The following PLPPR1 variants were observed in gnomAD, a reference collection of about 807,000 sequenced individuals.
PLPPR1 encodes phospholipid phosphatase related 1, also known as phospholipid phosphatase-related protein type 1.
A neutral mutation model predicts 33.1 loss-of-function variants in PLPPR1; 10 were observed. That is an observed-to-expected ratio of 0.30 (90% confidence interval 0.19 to 0.51). PLPPR1 has a LOEUF of 0.51. Ranked by LOEUF, PLPPR1 falls within the 20% of genes least tolerant of loss-of-function variation. The probability of loss-of-function intolerance (pLI) is 0.97; values close to 1 mark genes in which losing one functional copy is unlikely to be tolerated. For missense variants in PLPPR1, 304 were observed against 408.1 expected (o/e 0.74, Z 2.20); for synonymous variants, 151 against 151.0 (o/e 1.00, Z 0.00).
intron 1 of PLPPR1, among the ~76,000 whole-genome samples, chr9:101,092,784 C>T (rs1267714437): frequency 1.3e-5 from 2 of 151,956 alleles, no homozygotes; most frequent in East Asian, 1.9e-4. Flanking sequence ...CCCTGATTCT[C>T]GCTGTGATGG....
chr9:101,034,927 G>A (rs1242756271), intron 1 of PLPPR1, among the ~76,000 whole-genome samples: 1 of 152,106 alleles, frequency 6.6e-6, no homozygotes, highest in Non-Finnish European at 1.5e-5. Context: ...GCTGTCATAA[G>A]CCTAGGTAGA....
chr9:101,255,447 G>T (rs1164591652), intron 2 of PLPPR1, among the ~76,000 whole-genome samples: 1 of 152,114 alleles, frequency 6.6e-6, no homozygotes. Flanking sequence ...ATTTACAGGA[G>T]TTTGTTTTAT....
chr9:101,293,086 C>T (rs1357652131), intron 4 of PLPPR1, among the ~76,000 whole-genome samples: 8 of 151,268 alleles, frequency 5.3e-5, no homozygotes, highest in Non-Finnish European at 1.2e-4. Context: ...CACATAGGCT[C>T]AAAATAAAAG....
chr9:101,139,052 T>C (rs1831413433), intron 1 of PLPPR1, among the ~76,000 whole-genome samples: 1 of 152,212 alleles, frequency 6.6e-6, no homozygotes, highest in Non-Finnish European at 1.5e-5. Flanking sequence ...GTATCATTTT[T>C]TTCATGTTGT....
intron 1 of PLPPR1, among the ~76,000 whole-genome samples, chr9:101,143,757 G>C (rs553379232): frequency 6.6e-6 from 1 of 152,074 alleles, no homozygotes; most frequent in Admixed American, 6.6e-5. Flanking sequence ...TTAGAATGGC[G>C]ATCATTAAAA....
chr9:101,277,410 C>T (rs1564024707), intron 3 of PLPPR1, among the ~76,000 whole-genome samples: 1 of 152,132 alleles, frequency 6.6e-6, no homozygotes, highest in Non-Finnish European at 1.5e-5. Context: ...GTCTACTTTG[C>T]TTTCAGGGAA....
chr9:101,111,352 T>C (rs1831053830), intron 1 of PLPPR1, among the ~76,000 whole-genome samples: 1 of 152,182 alleles, frequency 6.6e-6, no homozygotes. Context: ...TTCTATATTA[T>C]TGTAGCCCAA....
At chr9:101,205,763 C>A (rs1474937632) in intron 2 of PLPPR1, among the ~76,000 whole-genome samples, 1 of 152,110 alleles carries the variant, frequency 6.6e-6, no homozygotes, top group Non-Finnish European at 1.5e-5. Context: ...GGCCGTATGC[C>A]AGGCACTGAA....
intron 1 of PLPPR1, among the ~76,000 whole-genome samples, chr9:101,098,363 C>A (rs1181578142): frequency 1.3e-5 from 2 of 152,022 alleles, no homozygotes; most frequent in Admixed American, 1.3e-4. Flanking sequence ...AGGGATGATG[C>A]ATTTGATATC....
intron 1 of PLPPR1, among the ~76,000 whole-genome samples, chr9:101,142,544 G>C (rs1431466): frequency 0.48 from 72,281 of 151,970 alleles, 17,755 homozygotes; most frequent in Non-Finnish European, 0.54. Context: ...TGTGTGGCCA[G>C]AATAGATGCT....
intron 1 of PLPPR1, among the ~76,000 whole-genome samples, chr9:101,149,541 A>G (rs1831558064): frequency 6.6e-6 from 1 of 152,212 alleles, no homozygotes; most frequent in Non-Finnish European, 1.5e-5. Flanking sequence ...TGGCTAGACA[A>G]TGAGAATAGT....
Position 101,038,176 on chromosome 9 carries a change from A to G in PLPPR1, c.-46+9074A>G, listed in dbSNP as rs374122952. 2.6e-5 allele frequency among the ~76,000 whole-genome samples: 4 copies of G among 152,148 alleles called. No homozygotes were observed. The South Asian group carries it at 6.2e-4, about 24-fold the overall frequency. On this transcript the variant is annotated intron_variant, in intron 1 of 7. Transcript: ENST00000374874. The stretch of plus-strand genomic sequence containing the variant: ...AACTTTACATATTATTTTACTATTT[A>G]CTTTTAGCTATAATTTCAAATAGAA...
At chr9:101,264,005 A>G (rs1564020668) in intron 2 of PLPPR1, among the ~76,000 whole-genome samples, 1 of 151,896 alleles carries the variant, frequency 6.6e-6, no homozygotes, top group South Asian at 2.1e-4. Flanking sequence ...ACTTATTTCT[A>G]AGGCTCCCCA....
At chr9:101,177,832 TATTA>T (rs1470045850) in intron 1 of PLPPR1, among the ~76,000 whole-genome samples, 8 of 152,208 alleles carry the variant, frequency 5.3e-5, no homozygotes, top group African/African-American at 1.7e-4. Flanking sequence ...TAATTCCCAA[TATTA>T]ATTTTATTTT....
At chr9:101,260,565 TG>T (rs745878340) in intron 2 of PLPPR1, among the ~76,000 whole-genome samples, 47 of 152,292 alleles carry the variant, frequency 3.1e-4, no homozygotes, top group Non-Finnish European at 5.0e-4. Context: ...ATTTCTAGCC[TG>T]TGTAACTGAG....
chr9:101,133,049 G>A (rs1831332242), intron 1 of PLPPR1, among the ~76,000 whole-genome samples: 1 of 152,022 alleles, frequency 6.6e-6, no homozygotes, highest in African/African-American at 2.4e-5. Flanking sequence ...AAATCCCTTG[G>A]GAATCAAGTT....
At chr9:101,300,249 C>G (rs1828727760) in intron 4 of PLPPR1, among the ~76,000 whole-genome samples, 3 of 152,112 alleles carry the variant, frequency 2.0e-5, no homozygotes, top group African/African-American at 7.2e-5. Context: ...CCACAGCTCA[C>G]TGCAGCCTTG....
chr9:101,048,036 G>A (rs73491904), intron 1 of PLPPR1, among the ~76,000 whole-genome samples: 132 of 152,262 alleles, frequency 8.7e-4, no homozygotes, highest in African/African-American at 3.0e-3. Flanking sequence ...GTATATAGAA[G>A]GAGTTAGAAA....
rs1321412464 is a variant in PLPPR1, at chr9:101,246,087, T to TAGATAGATAG, written c.64-23792_64-23791insGATAGATAGA. 4.7e-4 allele frequency among the ~76,000 whole-genome samples: 49 copies of TAGATAGATAG among 104,438 alleles called. 1 individual carries two copies. The highest frequency in any genetic ancestry group is 1.4e-3 in the African/African-American group (44 of 30,800). The allele number at this position is 104,438 out of a possible 152,430, so 68.5% of individuals were successfully genotyped here. On this transcript the variant is annotated intron_variant, in intron 2 of 7. Coordinates refer to ENST00000374874, the MANE Select transcript of PLPPR1 (RefSeq NM_207299.2). Reference sequence around the variant, plus strand: ...ATATATATATATATATATATATATATATATATATATATATATATATATAGA... The same window carrying TAGATAGATAG: ...ATATATATATATATATATATATATATAGATAGATAGATATATATATATATATATATATAGA...
Sources: allele counts gnomAD v4.1 joint callset (sites outside exome capture counted in the v4.1 genomes callset), GRCh38; gene constraint gnomAD v4.1.1; transcripts MANE v1.5; gene names NCBI Gene and HGNC (gene_info 2026-07-23, HGNC 2026-07-21).